The following APOOL variants were observed in gnomAD, a reference collection of about 807,000 sequenced individuals.
The protein encoded by APOOL is apolipoprotein O like, also known as MICOS complex subunit MIC27.
In APOOL, 12 loss-of-function variants were observed where a neutral mutation model predicts 23.1. That is an observed-to-expected ratio of 0.52 (90% CI 0.33 to 0.84). APOOL has a LOEUF of 0.84. APOOL is among the 40% of genes least tolerant of loss of function. The pLI, the probability that APOOL is intolerant of heterozygous loss-of-function variation, is 0.02. For missense variants in APOOL, 212 were observed against 199.6 expected (o/e 1.06, Z -0.37); for synonymous variants, 77 against 69.9 (o/e 1.10, Z -0.51).
intron 1 of APOOL, among the ~76,000 whole-genome samples, chrX:85,044,924 C>T (rs940245133): frequency 1.3e-4 from 14 of 111,025 alleles, no homozygotes; most frequent in African/African-American, 2.9e-4. Flanking sequence ...TGTCTTATAT[C>T]CAGGGAGTAG....
intron 1 of APOOL, among the ~76,000 whole-genome samples, chrX:85,017,886 A>G (rs180994903): frequency 1.3e-3 from 149 of 111,917 alleles, no homozygotes; most frequent in African/African-American, 4.5e-3. Flanking sequence ...CATCTCATGG[A>G]ATTTGCAGCA....
chrX:85,046,184 T>C, intron 1 of APOOL: 1 of 228,192 alleles, frequency 4.4e-6, no homozygotes, highest in South Asian at 1.1e-4. Flanking sequence ...TATTACATAA[T>C]AATATTCCAG....
intron 8 of APOOL, among the ~76,000 whole-genome samples, chrX:85,078,875 G>T (rs1272109039): frequency 9.0e-6 from 1 of 111,489 alleles, no homozygotes; most frequent in Non-Finnish European, 1.9e-5. Context: ...ATTCACTCAT[G>T]ATTTGGCTCT....
chrX:85,018,440 T>C (rs1056084318), intron 1 of APOOL, among the ~76,000 whole-genome samples: 3 of 111,777 alleles, frequency 2.7e-5, no homozygotes, highest in Non-Finnish European at 5.6e-5. Context: ...TATGAGGGAC[T>C]GCTCCCATGA....
At chrX:85,023,502 G>C (rs1467730865) in intron 1 of APOOL, among the ~76,000 whole-genome samples, 1 of 111,372 alleles carries the variant, frequency 9.0e-6, no homozygotes, top group Non-Finnish European at 1.9e-5. Context: ...TACATATTCA[G>C]TGCAATCCCT....
At chrX:85,059,427 G>C (rs998493421) in intron 5 of APOOL, among the ~76,000 whole-genome samples, 1 of 110,406 alleles carries the variant, frequency 9.1e-6, no homozygotes, top group Non-Finnish European at 1.9e-5. Flanking sequence ...GGTATTTCTA[G>C]TTCTGTATCC....
chrX:85,060,964 T>C (rs978132599), intron 5 of APOOL, among the ~76,000 whole-genome samples: 6 of 111,440 alleles, frequency 5.4e-5, no homozygotes, highest in Non-Finnish European at 5.6e-5. Flanking sequence ...GTGCCAGTTT[T>C]CAAAGGGAAT....
At chrX:85,040,587 CT>C (rs766286637) in intron 1 of APOOL, among the ~76,000 whole-genome samples, 1 of 111,248 alleles carries the variant, frequency 9.0e-6, no homozygotes, top group South Asian at 3.8e-4. Context: ...GGTTTTGTTC[CT>C]TTTTTATTCT....
chrX:85,025,246 G>C (rs1451885770), intron 1 of APOOL, among the ~76,000 whole-genome samples: 6 of 111,358 alleles, frequency 5.4e-5, no homozygotes, highest in African/African-American at 2.0e-4. Context: ...CTGTCATGAA[G>C]ACAACACCAA....
intron 8 of APOOL, among the ~76,000 whole-genome samples, chrX:85,081,249 G>A (rs1817967775): frequency 9.0e-6 from 1 of 111,475 alleles, no homozygotes; most frequent in African/African-American, 3.3e-5. Flanking sequence ...TCCATGTTTA[G>A]TGCTTCCTTC....
At position 85,087,745 on chromosome X, in the gene APOOL, A is replaced by G. The variant is rs1177447706; in HGVS notation, c.*67A>G. The G allele has an allele frequency of 1.0e-6, 1 of 956,823 alleles. No homozygotes were observed. Among genetic ancestry groups the G allele is most frequent in the Non-Finnish European group, 1.4e-6 (1 of 700,935 alleles). The allele number at this position is 956,823 out of a possible 1,213,427, so 78.9% of individuals were successfully genotyped here. On this transcript the variant is annotated 3_prime_UTR_variant, in exon 9 of 9. Coordinates refer to ENST00000373173, the MANE Select transcript of APOOL (RefSeq NM_198450.6). ...TGTGGCGTTGCAAATAATGATGAAAATAAATCATGTAATGGGTAACTGATA... is the reference window on the plus strand; with the variant it reads ...TGTGGCGTTGCAAATAATGATGAAAGTAAATCATGTAATGGGTAACTGATA...
intron 6 of APOOL, among the ~76,000 whole-genome samples, chrX:85,070,530 T>G (rs978114792): frequency 8.9e-6 from 1 of 111,893 alleles, no homozygotes; most frequent in Admixed American, 9.6e-5. Context: ...AAATAAACTA[T>G]CAAACTTTAC....
intron 1 of APOOL, among the ~76,000 whole-genome samples, chrX:85,037,711 A>G (rs1414974838): frequency 1.8e-5 from 2 of 111,583 alleles, no homozygotes; most frequent in African/African-American, 6.5e-5. Flanking sequence ...AAAGCATACA[A>G]AAACATAAAG....
chrX:85,032,006 C>T (rs933470239), intron 1 of APOOL, among the ~76,000 whole-genome samples: 4 of 111,459 alleles, frequency 3.6e-5, no homozygotes, highest in Admixed American at 9.5e-5. Context: ...TAATTTTTTT[C>T]CCCAGATATA....
rs1602791331 is a variant in APOOL at position 85,074,078 on chromosome X, A to C, written c.567A>C (p.Glu189Asp). ...CATTGTGGACAAAAAGCAGCAAAGA[A>C]GAGTCACTCCCTAAACCTAAAGAAA... is the stretch of plus-strand genomic sequence containing the variant. ...VKSLWTKSSK[E>D]ESLPKPKEKT... is the part of the protein sequence containing the mutation. The change falls in exon 7 of 9, where the codon GAA becomes GAC. Residue 189 changes from glutamate (E) to aspartate (D), a missense_variant. Coordinates refer to ENST00000373173, the MANE Select transcript of APOOL (RefSeq NM_198450.6). 8.6e-7 allele frequency: 1 copy of C among 1,169,341 alleles called. No individual in the cohort carries two copies. The highest frequency in any genetic ancestry group is 1.8e-5 in the African/African-American group (1 of 56,423).
intron 8 of APOOL, among the ~76,000 whole-genome samples, chrX:85,080,996 G>A (rs1300035149): frequency 9.0e-6 from 1 of 111,045 alleles, no homozygotes; most frequent in Non-Finnish European, 1.9e-5. Flanking sequence ...CTCTGCATGT[G>A]AGATCAGTCT....
chrX:85,023,656 A>G (rs1461105442), intron 1 of APOOL, among the ~76,000 whole-genome samples: 4 of 112,253 alleles, frequency 3.6e-5, no homozygotes, highest in South Asian at 3.7e-4. Context: ...TTGAAAATCT[A>G]TTCCAACGCT....
At chrX:85,061,845 T>C (rs1036091487) in intron 5 of APOOL, among the ~76,000 whole-genome samples, 5 of 111,665 alleles carry the variant, frequency 4.5e-5, no homozygotes, top group Non-Finnish European at 9.4e-5. Flanking sequence ...CCCGGATTCA[T>C]TGATTTTTTG....
In APOOL at chrX:85,077,353, C is replaced by T. The variant is rs760422117; in HGVS notation, c.718+2962C>T. Among the ~76,000 whole-genome samples the T allele has an allele frequency of 3.0e-4, 32 of 107,848 alleles. No individual in the cohort carries two copies. In the South Asian group the frequency reaches 0.011, roughly 37 times the overall value. The allele number at this position is 107,848 out of a possible 115,157, so 93.7% of individuals were successfully genotyped here. A position where few individuals can be genotyped will look rare whatever the true frequency, so the allele number is the denominator to read the frequency against. ...ATTCCCACCTATGAGTGAGGATATACGGTGTTTGGTTTTCTGTCCTTTTGA... is the reference window on the plus strand; with the variant it reads ...ATTCCCACCTATGAGTGAGGATATATGGTGTTTGGTTTTCTGTCCTTTTGA... On this transcript the variant is annotated intron_variant, in intron 8 of 8. Transcript: ENST00000373173.
Sources: allele counts gnomAD v4.1 joint callset (sites outside exome capture counted in the v4.1 genomes callset), GRCh38; gene constraint gnomAD v4.1.1; transcripts MANE v1.5; gene names NCBI Gene and HGNC (gene_info 2026-07-23, HGNC 2026-07-21).